The following SORCS2 variants were observed in gnomAD, a reference collection of about 807,000 sequenced individuals.
SORCS2 encodes VPS10 domain-containing receptor SorCS2.
Under a neutral mutation model 141.6 loss-of-function variants are expected in SORCS2, and 100 were observed. That is an observed-to-expected ratio of 0.71 (90% CI 0.60 to 0.83). SORCS2 has a LOEUF of 0.83. Among genes scored for constraint, SORCS2 ranks in the 40% least tolerant of loss-of-function variants. SORCS2 has a pLI of 0.00. For synonymous variants in SORCS2, 789 were observed against 676.9 expected (o/e 1.17, Z -2.57); for missense variants, 1,646 against 1,560.2 (o/e 1.05, Z -0.93).
chr4:7,529,807 A>C (rs1733914122), intron 2 of SORCS2, among the ~76,000 whole-genome samples: 1 of 152,190 alleles, frequency 6.6e-6, no homozygotes, highest in African/African-American at 2.4e-5. Context: ...GAGATTTGAG[A>C]GTAAGTGCGT....
At chr4:7,488,519 C>A (rs10937827) in intron 2 of SORCS2, among the ~76,000 whole-genome samples, 77,126 of 152,070 alleles carry the variant, frequency 0.51, 19,583 homozygotes, top group African/African-American at 0.55. Context: ...TGGTGCAGAC[C>A]CTGCCTCCTG....
chr4:7,593,646 C>T (rs1717062310), intron 3 of SORCS2, among the ~76,000 whole-genome samples: 1 of 151,998 alleles, frequency 6.6e-6, no homozygotes, highest in African/African-American at 2.4e-5. Context: ...CGAAACCTGG[C>T]CAACCTGGGG....
Position 7,712,854 on chromosome 4 carries a change from G to A in SORCS2, c.1989+1G>A. Reference sequence around the variant, plus strand: ...CTCCTGGGAGCTCTCCAACCTGCAGGTGGGCCGGCATGAGGCTGGGATCGG... The same window carrying A: ...CTCCTGGGAGCTCTCCAACCTGCAGATGGGCCGGCATGAGGCTGGGATCGG... On this transcript the variant is annotated splice_donor_variant, in intron 15 of 26. Transcript: ENST00000507866. LOFTEE classifies it high-confidence loss of function. 6.2e-7 allele frequency: 1 copy of A among 1,613,712 alleles called. No homozygotes were observed. Among genetic ancestry groups the A allele is most frequent in the Non-Finnish European group, 8.5e-7 (1 of 1,179,844 alleles).
chr4:7,729,743 C>T, intron 23 of SORCS2, 31 bp downstream of exon 23: 1 of 1,598,198 alleles, frequency 6.3e-7, no homozygotes, highest in Non-Finnish European at 8.6e-7. Flanking sequence ...ACTCCCAGGT[C>T]CTCCCTGCAC....
intron 1 of SORCS2, among the ~76,000 whole-genome samples, chr4:7,337,000 T>C (rs1720028931): frequency 6.6e-6 from 1 of 152,142 alleles, no homozygotes; most frequent in Non-Finnish European, 1.5e-5. Context: ...TTGAGCTGAC[T>C]TACGTCAGAG....
Position 7,640,028 on chromosome 4 carries a change from C to A in SORCS2, c.813+1536C>A, listed in dbSNP as rs186817015. Among the ~76,000 whole-genome samples the A allele has an allele frequency of 3.8e-3, 539 of 143,416 alleles. 9 individuals are homozygous for A. The South Asian group carries it at 0.064, about 17-fold the overall frequency. 94.1% of individuals were successfully genotyped at this position (143,416 alleles called of 152,430 possible). ...AAGTGCATGTCTGTGGGAGTGTGTA[C>A]GTGAGTGTGCATGTGTGAGAGTGTG... On this transcript the variant is annotated intron_variant, in intron 4 of 26. Transcript: ENST00000507866.
At chr4:7,364,441 T>C (rs1450145285) in intron 1 of SORCS2, among the ~76,000 whole-genome samples, 1 of 152,178 alleles carries the variant, frequency 6.6e-6, no homozygotes, top group African/African-American at 2.4e-5. Flanking sequence ...CTTGCAAATA[T>C]GACTTGTCAG....
intron 1 of SORCS2, among the ~76,000 whole-genome samples, chr4:7,264,952 C>T (rs991959901): frequency 1.4e-4 from 22 of 152,250 alleles, no homozygotes; most frequent in African/African-American, 4.6e-4. Context: ...CCATCATTCC[C>T]GCCTGGCCGC....
At chr4:7,485,799 G>A (rs1423971284) in intron 2 of SORCS2, among the ~76,000 whole-genome samples, 2 of 152,302 alleles carry the variant, frequency 1.3e-5, no homozygotes, top group African/African-American at 4.8e-5. Context: ...CCCAGTGGCA[G>A]GAGGGAGAGA....
chr4:7,284,433 C>G (rs1348442722), intron 1 of SORCS2, among the ~76,000 whole-genome samples: 2 of 152,224 alleles, frequency 1.3e-5, no homozygotes, highest in African/African-American at 4.8e-5. Flanking sequence ...AGTACAGTGC[C>G]TGCACATAGT....
chr4:7,555,668 G>T (rs1205570336), intron 3 of SORCS2, among the ~76,000 whole-genome samples: 2 of 152,222 alleles, frequency 1.3e-5, no homozygotes, highest in Non-Finnish European at 2.9e-5. Context: ...TGCAAACCTT[G>T]GTTTGGTAAA....
At position 7,511,850 on chromosome 4, in the gene SORCS2, A is replaced by T. The variant is rs950171664; in HGVS notation, c.549-19680A>T. ...TTGGCCTGGCCTGTTTCCAGTTAAG[A>T]CTCTGTCTTCAGGGGGGAAATGTCC... On this transcript the variant is annotated intron_variant, in intron 2 of 26. Transcript: ENST00000507866. Among the ~76,000 whole-genome samples, 6 of 151,564 alleles carry T rather than the reference A, an allele frequency of 4.0e-5. No homozygotes were observed. In the East Asian group the frequency reaches 1.2e-3, roughly 29 times the overall value.
intron 2 of SORCS2, chr4:7,433,474 C>T: frequency 6.4e-7 from 1 of 1,574,282 alleles, no homozygotes; most frequent in Non-Finnish European, 8.6e-7. Flanking sequence ...GGGGCCGTGG[C>T]AGGCCCCCAC....
At chr4:7,476,477 T>C (rs1454930776) in intron 2 of SORCS2, among the ~76,000 whole-genome samples, 2 of 152,146 alleles carry the variant, frequency 1.3e-5, no homozygotes, top group Non-Finnish European at 2.9e-5. Context: ...GTGGTCTCCT[T>C]TACCAAAGTC....
intron 3 of SORCS2, among the ~76,000 whole-genome samples, chr4:7,591,677 T>A (rs1716922168): frequency 6.6e-6 from 1 of 152,154 alleles, no homozygotes; most frequent in Admixed American, 6.5e-5. Flanking sequence ...GAGGGGGGTG[T>A]TAGCTCTGAA....
At chr4:7,572,003 C>A (rs923502817) in intron 3 of SORCS2, among the ~76,000 whole-genome samples, 7 of 152,264 alleles carry the variant, frequency 4.6e-5, no homozygotes, top group East Asian at 3.9e-4. Context: ...GCAGGAAGAA[C>A]CTGACAGTCT....
At chr4:7,214,797 G>A (rs916021142) in intron 1 of SORCS2, among the ~76,000 whole-genome samples, 2 of 152,256 alleles carry the variant, frequency 1.3e-5, no homozygotes, top group Non-Finnish European at 2.9e-5. Flanking sequence ...GAAGCTGCCA[G>A]TGGGGCTGCT....
At chr4:7,256,821 G>A (rs1713913130) in intron 1 of SORCS2, among the ~76,000 whole-genome samples, 1 of 150,450 alleles carries the variant, frequency 6.6e-6, no homozygotes, top group Non-Finnish European at 1.5e-5. Flanking sequence ...TCTGTTGGGG[G>A]AAGAGTGGGG....
intron 2 of SORCS2, among the ~76,000 whole-genome samples, chr4:7,484,415 G>C: frequency 6.6e-6 from 1 of 152,144 alleles, no homozygotes; most frequent in East Asian, 1.9e-4. Context: ...TTGTCACAGG[G>C]CCCAGCCGGA....
Sources: gnomAD v4.1 joint callset for allele counts (sites outside exome capture counted in the v4.1 genomes callset) on GRCh38, gnomAD v4.1.1 for gene constraint, MANE v1.5 for transcripts, NCBI Gene and HGNC (gene_info 2026-07-23, HGNC 2026-07-21) for gene names.